The following SGMS1 variants were observed in gnomAD, a reference collection of about 807,000 sequenced individuals.
SGMS1 encodes sphingomyelin synthase 1.
SGMS1 carries 13 observed loss-of-function variants against 46.2 expected under a neutral mutation model. The observed-to-expected ratio is 0.28, with a 90% CI of 0.18 to 0.45. SGMS1 has a LOEUF of 0.45. Ranked by LOEUF, SGMS1 falls within the 20% of genes least tolerant of loss-of-function variation. The probability of loss-of-function intolerance (pLI) is 1.00; values close to 1 mark genes in which losing one functional copy is unlikely to be tolerated. For synonymous variants in SGMS1, 203 were observed against 187.8 expected, an observed-to-expected ratio of 1.08 and a Z score of -0.66; for missense variants, 324 against 519.9, an observed-to-expected ratio of 0.62 and a Z score of 3.66.
chr10:50,575,633 G>C (rs191754246), intron 2 of SGMS1, among the ~76,000 whole-genome samples: 16 of 152,186 alleles, frequency 1.1e-4, no homozygotes, highest in Admixed American at 6.5e-4. Context: ...AAAGGACACA[G>C]GAAACTTTTG....
At chr10:50,401,714 T>C (rs985405732) in intron 6 of SGMS1, among the ~76,000 whole-genome samples, 2 of 152,220 alleles carry the variant, frequency 1.3e-5, no homozygotes, top group Non-Finnish European at 2.9e-5. Flanking sequence ...GCTTCTATTT[T>C]TCATTTGCCT....
chr10:50,591,457 A>G (rs1838540373), intron 1 of SGMS1, among the ~76,000 whole-genome samples: 1 of 152,166 alleles, frequency 6.6e-6, no homozygotes, highest in African/African-American at 2.4e-5. Context: ...GAAAGCATAT[A>G]TTCACAATCT....
At chr10:50,577,099 G>T (rs1365672183) in intron 2 of SGMS1, among the ~76,000 whole-genome samples, 1 of 152,178 alleles carries the variant, frequency 6.6e-6, no homozygotes, top group African/African-American at 2.4e-5. Flanking sequence ...CTGGCCCTCA[G>T]AATTCAGAGG....
chr10:50,383,405 CA>C (rs1848635954), intron 6 of SGMS1, among the ~76,000 whole-genome samples: 1 of 152,056 alleles, frequency 6.6e-6, no homozygotes, highest in South Asian at 2.1e-4. Context: ...AGTCTGAAAA[CA>C]ATCTACATAT....
chr10:50,473,011 G>A (rs1760270099), intron 3 of SGMS1: 1 of 152,104 alleles, frequency 6.6e-6, no homozygotes, highest in African/African-American at 2.4e-5. Flanking sequence ...TTAGGAATTA[G>A]GTAATTACCA....
chr10:50,535,148 C>G (rs1837989137), intron 2 of SGMS1, among the ~76,000 whole-genome samples: 2 of 151,964 alleles, frequency 1.3e-5, no homozygotes, highest in Non-Finnish European at 2.9e-5. Context: ...AGGAGAATCA[C>G]TTGAACCTGG....
intron 6 of SGMS1, among the ~76,000 whole-genome samples, chr10:50,409,048 G>A (rs1482201883): frequency 1.3e-5 from 2 of 152,152 alleles, no homozygotes; most frequent in African/African-American, 4.8e-5. Flanking sequence ...ACCCAGTAGT[G>A]AGAGGCACTC....
At chr10:50,358,478 ACTTAAGG>A (rs1055778020) in intron 6 of SGMS1, among the ~76,000 whole-genome samples, 4 of 152,090 alleles carry the variant, frequency 2.6e-5, no homozygotes, top group Non-Finnish European at 5.9e-5. Context: ...CAGGTGGATA[ACTTAAGG>A]CCAGGAGTTT....
intron 6 of SGMS1, among the ~76,000 whole-genome samples, chr10:50,417,830 C>A (rs944805709): frequency 6.6e-6 from 1 of 152,214 alleles, no homozygotes; most frequent in Non-Finnish European, 1.5e-5. Context: ...ATATAAAGAG[C>A]ATTTGTTGAC....
chr10:50,511,245 T>TCACACA (rs1409830362), intron 3 of SGMS1, among the ~76,000 whole-genome samples: 12 of 47,332 alleles, frequency 2.5e-4, no homozygotes, highest in African/African-American at 1.1e-3. Flanking sequence ...ATTCACTCAT[T>TCACACA]CATACACACA....
At chr10:50,487,761 G>A (rs1477405752) in intron 3 of SGMS1, among the ~76,000 whole-genome samples, 1 of 151,786 alleles carries the variant, frequency 6.6e-6, no homozygotes, top group East Asian at 1.9e-4. Context: ...TTGAGAGATG[G>A]CTAATTCAGT....
intron 1 of SGMS1, among the ~76,000 whole-genome samples, chr10:50,619,286 C>T (rs887132373): frequency 3.3e-5 from 5 of 152,098 alleles, no homozygotes; most frequent in African/African-American, 4.8e-5. Flanking sequence ...GTCAAGGCAA[C>T]GCACTAGATA....
intron 7 of SGMS1, among the ~76,000 whole-genome samples, chr10:50,339,869 G>T (rs1376417189): frequency 6.6e-6 from 1 of 152,218 alleles, no homozygotes; most frequent in Admixed American, 6.5e-5. Context: ...AGTAGCTAGA[G>T]ATAAGGCAGG....
At position 50,448,666 on chromosome 10, in the gene SGMS1, C is replaced by A. The variant is rs1449691023; in HGVS notation, c.-313+12007G>T. Among the ~76,000 whole-genome samples, 4 of 148,516 alleles carry A rather than the reference C, an allele frequency of 2.7e-5. No individual in the cohort carries two copies. The Admixed American group carries it at 2.8e-4, about 10-fold the overall frequency. ...GGCTGAGGCAGGAGAATCATTTGAA[C>A]CCGGGAGGCGGAGGTTGTGGTGAGC... On this transcript the variant is annotated intron_variant, in intron 5 of 10. Transcript: ENST00000361781.
At chr10:50,601,299 A>T (rs940875919) in intron 1 of SGMS1, among the ~76,000 whole-genome samples, 15 of 152,250 alleles carry the variant, frequency 9.9e-5, no homozygotes, top group African/African-American at 3.6e-4. Context: ...ATACAGGAAG[A>T]AGTATGGATT....
intron 6 of SGMS1, among the ~76,000 whole-genome samples, chr10:50,379,883 G>GA (rs1848576403): frequency 6.6e-6 from 1 of 152,138 alleles, no homozygotes; most frequent in Admixed American, 6.5e-5. Flanking sequence ...AGAGCAACAG[G>GA]AAAGAAAAAC....
At chr10:50,437,603 C>T (rs1411324695) in intron 5 of SGMS1, among the ~76,000 whole-genome samples, 1 of 152,126 alleles carries the variant, frequency 6.6e-6, no homozygotes, top group Non-Finnish European at 1.5e-5. Context: ...AGAAACAGCA[C>T]CCTACTGATG....
upstream of SGMS1, chr10:50,623,961 A>G: frequency 2.0e-6 from 2 of 985,374 alleles, no homozygotes; most frequent in South Asian, 9.4e-5. Context: ...CGGGCTGCCG[A>G]GCATGCCCAG....
chr10:50,383,714 C>T (rs1031986257), intron 6 of SGMS1, among the ~76,000 whole-genome samples: 3 of 151,966 alleles, frequency 2.0e-5, no homozygotes, highest in Admixed American at 6.6e-5. Flanking sequence ...GCTCTATTTA[C>T]ACACACACAT....
Sources: allele counts gnomAD v4.1 joint callset (sites outside exome capture counted in the v4.1 genomes callset), GRCh38; gene constraint gnomAD v4.1.1; transcripts MANE v1.5; gene names NCBI Gene and HGNC (gene_info 2026-07-23, HGNC 2026-07-21).